TRIM2: variants seen among roughly 807,000 people sequenced by gnomAD.
TRIM2 encodes the protein tripartite motif containing 2, also known as tripartite motif-containing protein 2.
TRIM2 carries 20 observed loss-of-function variants against 75.2 expected under a neutral mutation model. The ratio of observed to expected loss-of-function variants is 0.27; its 90% CI spans 0.19 to 0.39. The LOEUF is 0.39. Ranked by LOEUF, TRIM2 falls within the 10% of genes least tolerant of loss-of-function variation. The pLI is 1.00. For synonymous variants in TRIM2, 373 were observed against 388.3 expected, an observed-to-expected ratio of 0.96 and a Z score of 0.46; for missense variants, 660 against 990.8, an observed-to-expected ratio of 0.67 and a Z score of 4.48.
upstream of TRIM2, among the ~76,000 whole-genome samples, chr4:153,200,017 C>T (rs1734168578): frequency 6.7e-6 from 1 of 150,058 alleles, no homozygotes; most frequent in African/African-American, 2.5e-5. Context: ...TCTTGGCTCA[C>T]TGTAATCTCC....
intron 1 of TRIM2, among the ~76,000 whole-genome samples, chr4:153,224,475 C>A (rs1741590798): frequency 6.6e-6 from 1 of 152,170 alleles, no homozygotes; most frequent in African/African-American, 2.4e-5. Flanking sequence ...TCTTTTAACT[C>A]ATTCTTTTCC....
At chr4:153,311,004 A>C (rs1477364082) in intron 6 of TRIM2, among the ~76,000 whole-genome samples, 1 of 152,188 alleles carries the variant, frequency 6.6e-6, no homozygotes, top group Non-Finnish European at 1.5e-5. Context: ...CTTTTGCAAC[A>C]CAGTCCATTG....
chr4:153,175,454 A>G lies in TRIM2; in HGVS notation c.-49+22184A>G, dbSNP rs1301692283. 2.0e-5 allele frequency among the ~76,000 whole-genome samples: 3 copies of G among 152,012 alleles called. No homozygotes were observed. The East Asian group carries it at 5.8e-4, about 29-fold the overall frequency. On this transcript the variant is annotated intron_variant, in intron 1 of 11. Transcript: ENST00000437508. ...TGCCGTGATGGTGGCCTTCACCGAG[A>G]CTGGACTCTCAGAACTGGATTGGGA...
chr4:153,244,355 CTCTTCTTCTTCT>C (rs1209366783), intron 1 of TRIM2, among the ~76,000 whole-genome samples: 95 of 12,676 alleles, frequency 7.5e-3, no homozygotes, highest in East Asian at 0.02. Flanking sequence ...CTTCTTCTTC[CTCTTCTTCTTCT>C]TCTTCTTCTT....
intron 1 of TRIM2, among the ~76,000 whole-genome samples, chr4:153,179,545 C>A (rs766604341): frequency 1.3e-5 from 2 of 152,112 alleles, no homozygotes; most frequent in Admixed American, 6.6e-5. Flanking sequence ...CCAAGACACG[C>A]TTTTGGATCT....
At chr4:153,276,371 C>G (rs1482018618) in intron 3 of TRIM2, 1 of 539,504 alleles carries the variant, frequency 1.9e-6, no homozygotes, top group Non-Finnish European at 3.3e-6. Flanking sequence ...CCCAGGACAG[C>G]AAACCAGTAG....
intron 11 of TRIM2, among the ~76,000 whole-genome samples, chr4:153,330,508 A>G (rs1026262033): frequency 1.3e-5 from 2 of 152,204 alleles, no homozygotes; most frequent in Non-Finnish European, 2.9e-5. Context: ...TTAGAAAATC[A>G]GGGAGTCTCT....
chr4:153,231,711 G>A (rs761042312), intron 1 of TRIM2, among the ~76,000 whole-genome samples: 2 of 152,180 alleles, frequency 1.3e-5, no homozygotes, highest in South Asian at 4.1e-4. Context: ...CCTAGCATCC[G>A]GCTGTCCCAC....
At chr4:153,246,546 A>G (rs947026991) in intron 1 of TRIM2, among the ~76,000 whole-genome samples, 4 of 152,234 alleles carry the variant, frequency 2.6e-5, no homozygotes, top group African/African-American at 9.6e-5. Context: ...TGTTATGAGA[A>G]TGTGTACATT....
intron 1 of TRIM2, among the ~76,000 whole-genome samples, chr4:153,169,451 C>T (rs1203599044): frequency 6.6e-6 from 1 of 152,174 alleles, no homozygotes; most frequent in Non-Finnish European, 1.5e-5. Flanking sequence ...CCAAGATAAA[C>T]TGTGTAATAT....
intron 1 of TRIM2, among the ~76,000 whole-genome samples, chr4:153,245,708 G>C (rs1199073643): frequency 6.6e-6 from 1 of 152,164 alleles, no homozygotes; most frequent in Admixed American, 6.5e-5. Flanking sequence ...GACAGGGTCT[G>C]TCTTTGTTGC....
At chr4:153,280,778 G>A (rs150097646) in intron 3 of TRIM2, among the ~76,000 whole-genome samples, 20 of 151,890 alleles carry the variant, frequency 1.3e-4, no homozygotes, top group African/African-American at 3.1e-4. Context: ...TCTGCCTCCC[G>A]GGTTCACACC....
At chr4:153,270,063 A>G (rs901656097) in intron 1 of TRIM2, among the ~76,000 whole-genome samples, 86 of 151,880 alleles carry the variant, frequency 5.7e-4, no homozygotes, top group Non-Finnish European at 1.2e-3. Context: ...TGAGTAGCTG[A>G]GGCAACAGGC....
intron 1 of TRIM2, among the ~76,000 whole-genome samples, chr4:153,192,499 C>T (rs72963179): frequency 0.16 from 24,821 of 150,754 alleles, 2,338 homozygotes; most frequent in East Asian, 0.24. Context: ...CCCAGTTACT[C>T]AGGAGACTGA....
At chr4:153,303,677 T>C (rs936298447) in intron 6 of TRIM2, among the ~76,000 whole-genome samples, 4 of 152,182 alleles carry the variant, frequency 2.6e-5, no homozygotes, top group South Asian at 2.1e-4. Context: ...GCCGGTGACA[T>C]ACATACTAAG....
chr4:153,247,677 CAA>C (rs1183914263), intron 1 of TRIM2, among the ~76,000 whole-genome samples: 10,210 of 78,840 alleles, frequency 0.13, 198 homozygotes, highest in Non-Finnish European at 0.15. Context: ...GACTCTGTCT[CAA>C]AAAAAAAAAA....
At chr4:153,214,546 A>G (rs762085005) in intron 1 of TRIM2, among the ~76,000 whole-genome samples, 2 of 152,196 alleles carry the variant, frequency 1.3e-5, no homozygotes, top group Non-Finnish European at 2.9e-5. Context: ...CCTACGGAAA[A>G]TTTTTGTCCA....
At chr4:153,308,661 A>G in intron 6 of TRIM2, 1 of 584,528 alleles carries the variant, frequency 1.7e-6, no homozygotes, top group Non-Finnish European at 3.4e-6. Context: ...CCTGCTCAGC[A>G]TCAAATTTGG....
At chr4:153,298,142 G>T (rs1474333952) in intron 6 of TRIM2, among the ~76,000 whole-genome samples, 1 of 152,194 alleles carries the variant, frequency 6.6e-6, no homozygotes, top group Non-Finnish European at 1.5e-5. Context: ...TATTGGCACT[G>T]CTGGAAAGGT....
Sources: allele counts gnomAD v4.1 joint callset (sites outside exome capture counted in the v4.1 genomes callset), GRCh38; gene constraint gnomAD v4.1.1; transcripts MANE v1.5; gene names NCBI Gene and HGNC (gene_info 2026-07-23, HGNC 2026-07-21).